PREX2: variants seen among roughly 807,000 people sequenced by gnomAD.
PREX2 encodes the protein phosphatidylinositol 3,4,5-trisphosphate-dependent Rac exchanger 2 protein.
Under a neutral mutation model 203.2 loss-of-function variants are expected in PREX2, and 107 were observed. The ratio of observed to expected loss-of-function variants is 0.53; its 90% confidence interval spans 0.45 to 0.62. The LOEUF (loss-of-function observed/expected upper bound fraction) is 0.62. Among genes scored for constraint, PREX2 ranks in the 20% least tolerant of loss-of-function variants. The pLI is 0.00. For missense variants in PREX2, 1,777 were observed against 1,955.9 expected (o/e 0.91, Z 1.72); for synonymous variants, 672 against 663.6 (o/e 1.01, Z -0.19).
intron 23 of PREX2, among the ~76,000 whole-genome samples, chr8:68,100,487 C>G (rs149955437): frequency 1.3e-5 from 2 of 152,246 alleles, no homozygotes; most frequent in East Asian, 3.9e-4. Context: ...GTTTAAGTGC[C>G]AGGTTGATCC....
At position 67,952,387 on chromosome 8, in the gene PREX2, C is replaced by G; in HGVS notation, c.-8C>G. ...CGGGCAGCGCCGCGCTGCGCACCGC[C>G]GCCGACCATGAGCGAGGACAGCCGC... is the stretch of plus-strand genomic sequence containing the variant. On this transcript the variant is annotated 5_prime_UTR_variant, in exon 1 of 40. Transcript: ENST00000288368. The G allele has an allele frequency of 2.0e-6, 3 of 1,532,838 alleles. No homozygotes were observed. The highest frequency in any genetic ancestry group is 1.2e-5 in the South Asian group (1 of 81,850). 95.0% of individuals were successfully genotyped at this position (1,532,838 alleles called of 1,614,324 possible).
chr8:68,136,928 CAG>C (rs1399477005), intron 32 of PREX2, among the ~76,000 whole-genome samples: 6 of 150,680 alleles, frequency 4.0e-5, no homozygotes, highest in Admixed American at 3.3e-4. Flanking sequence ...TTTTTTGAGA[CAG>C]AGTCTCACTC....
At chr8:68,000,516 T>C (rs1211623769) in intron 1 of PREX2, among the ~76,000 whole-genome samples, 1 of 152,186 alleles carries the variant, frequency 6.6e-6, no homozygotes, top group Non-Finnish European at 1.5e-5. Flanking sequence ...TAAACGTCCA[T>C]ACTGCCCAAA....
At chr8:67,968,070 TAA>T (rs11377523) in intron 1 of PREX2, among the ~76,000 whole-genome samples, 1 of 142,592 alleles carries the variant, frequency 7.0e-6, no homozygotes. Context: ...ACTTAAAGTA[TAA>T]AAAAAAAAAA....
chr8:68,173,509 A>G (rs1811919648), intron 35 of PREX2, among the ~76,000 whole-genome samples: 1 of 152,180 alleles, frequency 6.6e-6, no homozygotes, highest in Non-Finnish European at 1.5e-5. Context: ...ATGTAGTATT[A>G]TGTAACTTAC....
chr8:68,038,563 C>T (rs1449994077), intron 7 of PREX2, among the ~76,000 whole-genome samples: 1 of 152,130 alleles, frequency 6.6e-6, no homozygotes, highest in African/African-American at 2.4e-5. Flanking sequence ...CGGTTTGTTC[C>T]TAACCCACAT....
At chr8:68,203,864 A>G (rs1481842776) in intron 37 of PREX2, among the ~76,000 whole-genome samples, 1 of 152,208 alleles carries the variant, frequency 6.6e-6, no homozygotes, top group Non-Finnish European at 1.5e-5. Context: ...TCAAAGAACT[A>G]GAGATATGGA....
chr8:68,060,004 C>A (rs1462553485), intron 10 of PREX2, among the ~76,000 whole-genome samples: 1 of 152,126 alleles, frequency 6.6e-6, no homozygotes, highest in Non-Finnish European at 1.5e-5. Flanking sequence ...TGAATCAGGC[C>A]CACTGGGATA....
chr8:68,100,080 G>A (rs1405689555), intron 23 of PREX2: 2 of 634,654 alleles, frequency 3.2e-6, no homozygotes, highest in East Asian at 3.4e-5. Context: ...AGTAACTGAG[G>A]CCTAAAGAAT....
chr8:68,131,063 A>G (rs1333442447), intron 31 of PREX2, among the ~76,000 whole-genome samples: 1 of 152,230 alleles, frequency 6.6e-6, no homozygotes, highest in Non-Finnish European at 1.5e-5. Context: ...GCTGAGCGGT[A>G]CTGTGTGGCT....
chr8:68,018,745 A>G (rs1377601707), intron 2 of PREX2, among the ~76,000 whole-genome samples: 8 of 152,212 alleles, frequency 5.3e-5, no homozygotes, highest in Non-Finnish European at 1.0e-4. Flanking sequence ...AGGATGGTAA[A>G]TGAAAATTAA....
At chr8:68,185,499 C>G (rs1410371176) in intron 35 of PREX2, among the ~76,000 whole-genome samples, 1 of 152,162 alleles carries the variant, frequency 6.6e-6, no homozygotes, top group Non-Finnish European at 1.5e-5. Context: ...TCTTATGTGG[C>G]CTTCCTTCTG....
chr8:67,952,739 T>C, intron 1 of PREX2: 3 of 706,422 alleles, frequency 4.2e-6, no homozygotes, highest in Middle Eastern at 3.2e-4. Flanking sequence ...CGAGACTCAC[T>C]GAGTTGCGGG....
chr8:68,222,573 C>T (rs1812974290), intron 38 of PREX2, among the ~76,000 whole-genome samples: 1 of 151,858 alleles, frequency 6.6e-6, no homozygotes, highest in Non-Finnish European at 1.5e-5. Context: ...AACAGAATTC[C>T]AGTCCATAAA....
At chr8:68,122,780 G>T (rs1018797897) in intron 30 of PREX2, among the ~76,000 whole-genome samples, 4 of 151,956 alleles carry the variant, frequency 2.6e-5, no homozygotes, top group Non-Finnish European at 5.9e-5. Context: ...TTATTCAAGG[G>T]CAGGTTATTC....
chr8:68,193,195 G>A lies in PREX2; in HGVS notation c.4604+670G>A, dbSNP rs150026043. On this transcript the variant is annotated intron_variant, in intron 37 of 39. Transcript: ENST00000288368. ...TCCCTCTTCATAATCATATGCTTTC[G>A]CCTCTCCATTGCCACAAGGAAATAG... Among the ~76,000 whole-genome samples the A allele has an allele frequency of 3.9e-3, 594 of 152,218 alleles. 7 individuals are homozygous for A. Among genetic ancestry groups the A allele is most frequent in the African/African-American group, 0.013 (543 of 41,522 alleles).
intron 11 of PREX2, 35 bp downstream of exon 11, chr8:68,060,814 AT>A: frequency 7.5e-7 from 1 of 1,326,688 alleles, no homozygotes; most frequent in South Asian, 1.3e-5. Context: ...TATTTAATGC[AT>A]TTATTGGCCA....
chr8:68,119,248 A>G (rs1328008631), intron 27 of PREX2, among the ~76,000 whole-genome samples, 184 bp from the exon 28 acceptor site: 2 of 152,250 alleles, frequency 1.3e-5, no homozygotes, highest in African/African-American at 4.8e-5. Flanking sequence ...CGCCTTCAGA[A>G]GAAATAGTAA....
intron 30 of PREX2, among the ~76,000 whole-genome samples, chr8:68,123,757 G>T (rs958321799): frequency 6.6e-6 from 1 of 151,436 alleles, no homozygotes; most frequent in African/African-American, 2.4e-5. Flanking sequence ...CTCCAAAGTT[G>T]AATCAGTAAT....
Sources: allele counts gnomAD v4.1 joint callset (sites outside exome capture counted in the v4.1 genomes callset), GRCh38; gene constraint gnomAD v4.1.1; transcripts MANE v1.5; gene names NCBI Gene and HGNC (gene_info 2026-07-23, HGNC 2026-07-21).